The following KIF6 variants were observed in gnomAD, a reference collection of about 807,000 sequenced individuals.
KIF6 encodes the protein kinesin family member 6.
A neutral mutation model predicts 112.7 loss-of-function variants in KIF6; 106 were observed. The ratio of observed to expected loss-of-function variants is 0.94; its 90% CI spans 0.80 to 1.11. The LOEUF is 1.11. Among genes scored for constraint, KIF6 ranks in the 50% least tolerant of loss-of-function variants. KIF6 has a pLI of 0.00. For missense variants in KIF6, 929 were observed against 964.0 expected (o/e 0.96, Z 0.48); for synonymous variants, 339 against 339.9 (o/e 1.00, Z 0.03).
intron 12 of KIF6, among the ~76,000 whole-genome samples, chr6:39,544,341 T>A (rs1171043278): frequency 6.6e-6 from 1 of 152,236 alleles, no homozygotes; most frequent in Non-Finnish European, 1.5e-5. Context: ...AGTAACTATG[T>A]CAGGATAAAA....
chr6:39,569,861 C>T (rs1582158712), intron 10 of KIF6, among the ~76,000 whole-genome samples: 2 of 152,368 alleles, frequency 1.3e-5, no homozygotes. Context: ...AGCCTCCCAG[C>T]TCCTAACACA....
intron 13 of KIF6, among the ~76,000 whole-genome samples, chr6:39,458,315 T>G (rs1773273268): frequency 6.6e-6 from 1 of 150,404 alleles, no homozygotes; most frequent in African/African-American, 2.5e-5. Flanking sequence ...TTGACAAAAT[T>G]CAACAACTCT....
intron 5 of KIF6, among the ~76,000 whole-genome samples, chr6:39,624,164 AGTC>A (rs1178296426): frequency 6.6e-6 from 1 of 152,196 alleles, no homozygotes; most frequent in African/African-American, 2.4e-5. Flanking sequence ...TTAGTGGGAT[AGTC>A]GAGTGTGGTG....
intron 6 of KIF6, among the ~76,000 whole-genome samples, chr6:39,606,263 T>C (rs1782880306): frequency 6.6e-6 from 1 of 152,024 alleles, no homozygotes; most frequent in Admixed American, 6.6e-5. Flanking sequence ...CTTTTCTTTG[T>C]CTTGTAATCT....
At chr6:39,373,566 A>G (rs922327812) in intron 16 of KIF6, among the ~76,000 whole-genome samples, 14 of 152,236 alleles carry the variant, frequency 9.2e-5, no homozygotes, top group Non-Finnish European at 2.1e-4. Context: ...GCATTTCTAT[A>G]TACTAACAAC....
intron 20 of KIF6, chr6:39,346,264 T>G (rs550485085): frequency 1.9e-5 from 13 of 680,698 alleles, no homozygotes; most frequent in African/African-American, 1.6e-4. Context: ...TGGAGGTTTG[T>G]GTCCCTGAAA....
At chr6:39,519,216 G>C (rs565410993) in intron 13 of KIF6, among the ~76,000 whole-genome samples, 1 of 152,112 alleles carries the variant, frequency 6.6e-6, no homozygotes, top group South Asian at 2.1e-4. Context: ...GTATTCCTGG[G>C]CATCTGAAAA....
intron 13 of KIF6, among the ~76,000 whole-genome samples, chr6:39,512,935 A>T (rs925388556): frequency 2.0e-5 from 3 of 152,072 alleles, no homozygotes; most frequent in Non-Finnish European, 4.4e-5. Flanking sequence ...TATGTGTGTT[A>T]CCCCTGCCTC....
chr6:39,578,687 G>A (rs1352901274), intron 9 of KIF6, among the ~76,000 whole-genome samples: 1 of 151,766 alleles, frequency 6.6e-6, no homozygotes, highest in Admixed American at 6.6e-5. Context: ...ACCCCCTATT[G>A]GTATCCCCCC....
intron 22 of KIF6, among the ~76,000 whole-genome samples, chr6:39,340,614 T>C (rs1454204883): frequency 6.6e-6 from 1 of 152,122 alleles, no homozygotes; most frequent in Non-Finnish European, 1.5e-5. Context: ...GTTAAGAGCA[T>C]CAAATGAAAC....
At chr6:39,700,127 C>T (rs1470932862) in intron 3 of KIF6, among the ~76,000 whole-genome samples, 2 of 152,208 alleles carry the variant, frequency 1.3e-5, no homozygotes, top group Admixed American at 6.5e-5. Flanking sequence ...TCCCCTCAAG[C>T]ATTTATCCTT....
At chr6:39,602,604 A>C (rs1481292043) in intron 6 of KIF6, among the ~76,000 whole-genome samples, 3 of 152,186 alleles carry the variant, frequency 2.0e-5, no homozygotes, top group Non-Finnish European at 2.9e-5. Flanking sequence ...ATTTCTAAAA[A>C]TCTTCAAATA....
At chr6:39,710,155 C>G (rs1042516018) in intron 3 of KIF6, among the ~76,000 whole-genome samples, 3 of 152,190 alleles carry the variant, frequency 2.0e-5, no homozygotes, top group Non-Finnish European at 4.4e-5. Context: ...TGTCTATTCA[C>G]TGGTGCAGTA....
intron 10 of KIF6, among the ~76,000 whole-genome samples, chr6:39,553,493 A>G (rs1468049448): frequency 6.6e-6 from 1 of 152,208 alleles, no homozygotes; most frequent in Admixed American, 6.5e-5. Context: ...AGGCCTATTT[A>G]TAGGTGCATG....
At chr6:39,460,243 A>C (rs1292587370) in intron 13 of KIF6, among the ~76,000 whole-genome samples, 1 of 122,300 alleles carries the variant, frequency 8.2e-6, no homozygotes, top group Non-Finnish European at 1.7e-5. Flanking sequence ...ATGAAACTGG[A>C]AACCATCATT....
intron 5 of KIF6, among the ~76,000 whole-genome samples, chr6:39,626,745 G>A (rs777157711): frequency 2.0e-5 from 3 of 152,090 alleles, no homozygotes; most frequent in African/African-American, 2.4e-5. Context: ...GCAAACCTCC[G>A]GCATTAGAAT....
At chr6:39,675,615 T>C (rs201666610) in intron 3 of KIF6, among the ~76,000 whole-genome samples, 1 of 3,072 alleles carries the variant, frequency 3.3e-4, no homozygotes, top group Non-Finnish European at 9.5e-4. Context: ...AGAACACAAT[T>C]CCACCATAAA....
Position 39,596,104 on chromosome 6 carries a change from G to A in KIF6, c.796C>T (p.Leu266Phe). Residue 266 changes from leucine (L) to phenylalanine (F), a missense_variant, in exon 7 of 23, where the codon CTT becomes TTT. This residue lies in a region of KIF6 where 688 missense variants were observed against 662.7 expected (regional missense o/e 1.04). Transcript: ENST00000287152. ...TTGATATACTTGGCCTCTGTTAGAA[G>A]ATGGCCCCCTACTCCAGTCTTTGCA... ...RVAKTGVGGH[L>F]LTEAKYINLS... 6.2e-7 allele frequency: 1 copy of A among 1,613,972 alleles called. No individual in the cohort carries two copies. The highest frequency in any genetic ancestry group is 8.5e-7 in the Non-Finnish European group (1 of 1,179,942).
At chr6:39,550,476 A>T (rs1323821072) in intron 10 of KIF6, among the ~76,000 whole-genome samples, 1 of 152,162 alleles carries the variant, frequency 6.6e-6, no homozygotes, top group Non-Finnish European at 1.5e-5. Context: ...ATTCTAGAGA[A>T]TTTACTATAA....
Sources: allele counts gnomAD v4.1 joint callset (sites outside exome capture counted in the v4.1 genomes callset), GRCh38; gene constraint gnomAD v4.1.1; regional missense constraint gnomAD v4.1.1; transcripts MANE v1.5; gene names NCBI Gene and HGNC (gene_info 2026-07-23, HGNC 2026-07-21).